The following MMP20 variants were observed in gnomAD, a reference collection of about 807,000 sequenced individuals.
The protein encoded by MMP20 is matrix metalloproteinase-20.
MMP20 carries 50 observed loss-of-function variants against 51.8 expected under a neutral mutation model. The ratio of observed to expected loss-of-function variants is 0.97; its 90% CI spans 0.77 to 1.22. The LOEUF (loss-of-function observed/expected upper bound fraction) is 1.22. Among genes scored for constraint, MMP20 ranks in the 50% most tolerant of loss-of-function variants. The pLI, the probability that MMP20 is intolerant of heterozygous loss-of-function variation, is 0.00. For synonymous variants in MMP20, 244 were observed against 216.2 expected, an observed-to-expected ratio of 1.13 and a Z score of -1.13; for missense variants, 663 against 601.4, an observed-to-expected ratio of 1.10 and a Z score of -1.07.
At chr11:102,607,607 A>T (rs1021421069) in intron 5 of MMP20, 1 of 151,384 alleles carries the variant, frequency 6.6e-6, no homozygotes, top group Non-Finnish European at 1.5e-5. Context: ...GAAGCTGGAA[A>T]TTGGAGAGGG....
chr11:102,588,663 A>G (rs1336285901), intron 8 of MMP20, among the ~76,000 whole-genome samples: 1 of 152,258 alleles, frequency 6.6e-6, no homozygotes. Flanking sequence ...TGTCTTTTAC[A>G]TAATTACACT....
chr11:102,618,028 A>T (rs1009647256), intron 1 of MMP20, among the ~76,000 whole-genome samples: 1 of 152,226 alleles, frequency 6.6e-6, no homozygotes, highest in Non-Finnish European at 1.5e-5. Flanking sequence ...TAATATTTGC[A>T]TACAACTTAA....
intron 8 of MMP20, among the ~76,000 whole-genome samples, chr11:102,581,761 T>C (rs1165943938): frequency 1.3e-5 from 2 of 152,092 alleles, no homozygotes; most frequent in African/African-American, 4.8e-5. Flanking sequence ...CTCAAGATTG[T>C]TGAAAGGTGG....
Position 102,621,846 on chromosome 11 carries a change from GTCTTT to G in MMP20, c.126+3343_126+3347del, listed in dbSNP as rs1859754940. On this transcript the variant is annotated intron_variant, in intron 1 of 9. Coordinates refer to ENST00000260228, the MANE Select transcript of MMP20 (RefSeq NM_004771.4). ...TTGAAGACAGTAACAATTTTAAAAA[GTCTTT>G]ATCATAGAAAATAAAATGGTAGTAA... Among the ~76,000 whole-genome samples, 3 of 152,210 alleles carry G rather than the reference GTCTTT, an allele frequency of 2.0e-5. No individual in the cohort carries two copies. The South Asian group carries it at 6.2e-4, about 32-fold the overall frequency.
At chr11:102,596,829 C>T (rs1290445075) in intron 6 of MMP20, among the ~76,000 whole-genome samples, 2 of 152,282 alleles carry the variant, frequency 1.3e-5, no homozygotes, top group Non-Finnish European at 1.5e-5. Flanking sequence ...CCAATCAGAC[C>T]TGGGCTTTTC....
chr11:102,623,340 G>C (rs963422854), intron 1 of MMP20, among the ~76,000 whole-genome samples: 1 of 152,122 alleles, frequency 6.6e-6, no homozygotes, highest in African/African-American at 2.4e-5. Context: ...GGTGAGTGGC[G>C]GGCCAGCATT....
At chr11:102,582,632 C>A (rs2135928392) in intron 8 of MMP20, among the ~76,000 whole-genome samples, 1 of 152,130 alleles carries the variant, frequency 6.6e-6, no homozygotes, top group East Asian at 1.9e-4. Flanking sequence ...AGATGAGGGT[C>A]AGGAAACAGG....
chr11:102,597,668 C>G (rs577559900), intron 6 of MMP20, among the ~76,000 whole-genome samples: 1 of 152,280 alleles, frequency 6.6e-6, no homozygotes, highest in Non-Finnish European at 1.5e-5. Flanking sequence ...TTAAGAAACC[C>G]TGCTTTAAAC....
chr11:102,579,291 T>C, intron 8 of MMP20, 149 bp from the exon 9 acceptor site: 1 of 634,264 alleles, frequency 1.6e-6, no homozygotes. Flanking sequence ...TGCATTTATG[T>C]TGTTATTTAT....
At chr11:102,611,710 C>T (rs760598844) in intron 3 of MMP20, 45 bp downstream of exon 3, 1 of 1,604,746 alleles carries the variant, frequency 6.2e-7, no homozygotes, top group East Asian at 2.2e-5. Context: ...AGTATTGGGA[C>T]AACTCTCCTT....
At chr11:102,595,158 C>A (rs901638705) in intron 6 of MMP20, among the ~76,000 whole-genome samples, 1 of 152,098 alleles carries the variant, frequency 6.6e-6, no homozygotes, top group East Asian at 1.9e-4. Flanking sequence ...AACTCCTGAC[C>A]TCAAGTGACC....
At chr11:102,592,810 G>A (rs1452213760) in intron 8 of MMP20, among the ~76,000 whole-genome samples, 1 of 152,186 alleles carries the variant, frequency 6.6e-6, no homozygotes, top group African/African-American at 2.4e-5. Context: ...GTCAACTAAG[G>A]ATAGAAACTC....
chr11:102,615,004 C>T (rs1203988101), intron 2 of MMP20, among the ~76,000 whole-genome samples: 2 of 149,178 alleles, frequency 1.3e-5, no homozygotes, highest in African/African-American at 4.9e-5. Flanking sequence ...AAATAAGAGG[C>T]AATATGTTAT....
intron 9 of MMP20, among the ~76,000 whole-genome samples, chr11:102,577,648 T>C (rs1171083219): frequency 6.6e-6 from 1 of 152,220 alleles, no homozygotes; most frequent in African/African-American, 2.4e-5. Flanking sequence ...TAAGGCCTTC[T>C]TGTTGGGGTC....
Position 102,610,020 on chromosome 11 carries a change from A to G in MMP20, c.534T>C (p.Asp178=). ...MISFENGDHG[D]SYPFDGPRGT... ...CCCGAGGCCCATCGAATGGATAGGA[A>G]TCCCCGTGATCTAAACAAGTGGGGA... The change falls in exon 4 of 10, where the codon GAT becomes GAC. Residue 178 remains aspartate (D), a synonymous_variant. Coordinates refer to ENST00000260228, the MANE Select transcript of MMP20 (RefSeq NM_004771.4). 1 of 1,614,110 alleles carries G rather than the reference A, an allele frequency of 6.2e-7. No individual in the cohort carries two copies. The highest frequency in any genetic ancestry group is 1.3e-5 in the African/African-American group (1 of 75,042).
At chr11:102,600,732 T>C (rs1161682674) in intron 6 of MMP20, among the ~76,000 whole-genome samples, 1 of 152,074 alleles carries the variant, frequency 6.6e-6, no homozygotes, top group African/African-American at 2.4e-5. Flanking sequence ...AGTGATCCAC[T>C]CGCCGCCTCT....
At chr11:102,612,925 C>T (rs542035563) in intron 2 of MMP20, among the ~76,000 whole-genome samples, 12 of 151,958 alleles carry the variant, frequency 7.9e-5, no homozygotes, top group East Asian at 3.9e-4. Flanking sequence ...TTGGTGGAGA[C>T]GGGGTTTCAC....
chr11:102,584,234 A>T (rs1425232553), intron 8 of MMP20, among the ~76,000 whole-genome samples: 1 of 152,214 alleles, frequency 6.6e-6, no homozygotes, highest in Non-Finnish European at 1.5e-5. Flanking sequence ...ATACTAATTT[A>T]CATTTCTACT....
chr11:102,610,109 G>A (rs191498540), intron 3 of MMP20, 79 bp from the exon 4 acceptor site: 22 of 1,490,832 alleles, frequency 1.5e-5, no homozygotes, highest in Non-Finnish European at 2.0e-5. Context: ...ACAGAAAAGG[G>A]ACATTTTGAG....
Sources: allele counts gnomAD v4.1 joint callset (sites outside exome capture counted in the v4.1 genomes callset), GRCh38; gene constraint gnomAD v4.1.1; transcripts MANE v1.5; gene names NCBI Gene and HGNC (gene_info 2026-07-23, HGNC 2026-07-21).